Variants in ADGB observed in about 807,000 individuals in gnomAD.
ADGB encodes the protein androglobin, also known as calpain-7-like protein.
A neutral mutation model predicts 210.5 loss-of-function variants in ADGB; 172 were observed. The ratio of observed to expected loss-of-function variants is 0.82; its 90% confidence interval spans 0.72 to 0.93. The LOEUF (loss-of-function observed/expected upper bound fraction) is 0.93, where lower values mean the gene tolerates loss of function less well. Among genes scored for constraint, ADGB ranks in the 40% least tolerant of loss-of-function variants. ADGB has a pLI of 0.00. For missense variants in ADGB, 2,025 were observed against 1,964.8 expected, an observed-to-expected ratio of 1.03 and a Z score of -0.58; for synonymous variants, 658 against 662.7, an observed-to-expected ratio of 0.99 and a Z score of 0.11.
chr6:146,754,252 T>A (rs1777370125), intron 27 of ADGB, among the ~76,000 whole-genome samples: 1 of 151,322 alleles, frequency 6.6e-6, no homozygotes, highest in Non-Finnish European at 1.5e-5. Context: ...TATTCTTTTT[T>A]ATTTATTTTT....
In ADGB at chr6:146,654,202, G is replaced by A. The variant is rs1261888876; in HGVS notation, c.398G>A (p.Ser133Asn). 1.3e-6 allele frequency: 2 copies of A among 1,542,718 alleles called. No homozygotes were observed. The highest frequency in any genetic ancestry group is 1.4e-5 in the African/African-American group (1 of 72,820). ...TCAGCAAATGAACATTTACTCTGCA[G>A]CGAGGTATGTACAGAAATATGAACT... ...LFSANEHLLC[S>N]ELMRWIISEI... Residue 133 changes from serine to asparagine, a missense_variant, in exon 4 of 36, where the codon AGC (serine) becomes AAC (asparagine). Physicochemically the swap from Ser to Asn is conservative, Grantham distance 46. Transcript: ENST00000397944.
intron 9 of ADGB, among the ~76,000 whole-genome samples, chr6:146,682,824 T>C (rs545865324): frequency 7.9e-5 from 12 of 152,300 alleles, no homozygotes; most frequent in African/African-American, 2.9e-4. Context: ...TCTTATATTT[T>C]CTTGGCTAAT....
chr6:146,703,214 CTAAGTT>C (rs1226891461), intron 13 of ADGB, among the ~76,000 whole-genome samples: 2 of 151,632 alleles, frequency 1.3e-5, no homozygotes, highest in Non-Finnish European at 3.0e-5. Flanking sequence ...TTCATATGTT[CTAAGTT>C]TATCTTTTCA....
At chr6:146,649,838 A>G (rs985991589) in intron 3 of ADGB, among the ~76,000 whole-genome samples, 1 of 152,174 alleles carries the variant, frequency 6.6e-6, no homozygotes, top group Admixed American at 6.5e-5. Flanking sequence ...CCAAAGATTT[A>G]TATGAACTTG....
At chr6:146,599,783 C>A (rs750162966) in intron 1 of ADGB, among the ~76,000 whole-genome samples, 1 of 152,064 alleles carries the variant, frequency 6.6e-6, no homozygotes, top group Non-Finnish European at 1.5e-5. Flanking sequence ...GTCTGTTTCC[C>A]TAGGGATATC....
At position 146,656,859 on chromosome 6, in the gene ADGB, G is replaced by T. The variant is rs1775789225; in HGVS notation, c.491G>T (p.Gly164Val). 6.4e-7 allele frequency: 1 copy of T among 1,551,488 alleles called. No individual in the cohort carries two copies. Among genetic ancestry groups the T allele is most frequent in the Non-Finnish European group, 8.7e-7 (1 of 1,146,792 alleles). The change falls in exon 5 of 36, where the codon GGG (glycine) becomes GTG (valine). Residue 164 changes from glycine to valine, a missense_variant. Coordinates refer to ENST00000397944, the MANE Select transcript of ADGB (RefSeq NM_024694.4). ...AGCAATTATTTTAAGGGGACTTCAG[G>T]GGAACCTCCTCTTCTCCCCTGGAAG... ...ILSNYFKGTS[G>V]EPPLLPWKPW...
At chr6:146,740,645 G>T in intron 24 of ADGB, 52 bp downstream of exon 24, 3 of 1,509,036 alleles carry the variant, frequency 2.0e-6, no homozygotes, top group Non-Finnish European at 2.7e-6. Context: ...TGCAATATCT[G>T]TATTTATGAA....
chr6:146,666,944 C>G, intron 7 of ADGB, 42 bp downstream of exon 7: 1 of 1,409,062 alleles, frequency 7.1e-7, no homozygotes, highest in Non-Finnish European at 9.7e-7. Flanking sequence ...TTTTTTTTAT[C>G]TTCCCAAGAT....
At chr6:146,791,734 T>C (rs1583641188) in intron 33 of ADGB, among the ~76,000 whole-genome samples, 2 of 151,970 alleles carry the variant, frequency 1.3e-5, no homozygotes, top group East Asian at 3.9e-4. Flanking sequence ...CCCTTTCCCA[T>C]TGTGTGTTCT....
intron 26 of ADGB, among the ~76,000 whole-genome samples, chr6:146,751,372 G>A (rs927539960): frequency 2.6e-5 from 4 of 152,028 alleles, no homozygotes; most frequent in Non-Finnish European, 5.9e-5. Flanking sequence ...TCTTTATCCA[G>A]TCTATCATTG....
At chr6:146,689,329 T>G (rs1447877248) in intron 10 of ADGB, among the ~76,000 whole-genome samples, 1 of 152,158 alleles carries the variant, frequency 6.6e-6, no homozygotes, top group Admixed American at 6.6e-5. Flanking sequence ...CTATAACTAT[T>G]ATTAATAGCA....
intron 22 of ADGB, among the ~76,000 whole-genome samples, chr6:146,734,291 C>G (rs1284047964): frequency 6.6e-6 from 1 of 152,162 alleles, no homozygotes; most frequent in African/African-American, 2.4e-5. Flanking sequence ...GCATTATCAG[C>G]TTTGTTTTCC....
intron 11 of ADGB, among the ~76,000 whole-genome samples, 171 bp downstream of exon 11, chr6:146,691,461 A>ATAT (rs1554231910): frequency 1.1e-4 from 2 of 18,242 alleles, no homozygotes; most frequent in Non-Finnish European, 1.6e-4. Flanking sequence ...TATATATAAA[A>ATAT]ATATATATAT....
At chr6:146,668,589 T>A (rs1775967054) in intron 7 of ADGB, among the ~76,000 whole-genome samples, 1 of 151,818 alleles carries the variant, frequency 6.6e-6, no homozygotes, top group Admixed American at 6.6e-5. Context: ...AGAGAGAAAA[T>A]GAGATTTTAA....
intron 19 of ADGB, among the ~76,000 whole-genome samples, chr6:146,728,239 C>G (rs981379430): frequency 2.0e-5 from 3 of 152,148 alleles, no homozygotes; most frequent in Non-Finnish European, 2.9e-5. Context: ...CCTGAAATCT[C>G]TGTTCGTCAG....
chr6:146,745,815 C>T (rs1777223596), intron 25 of ADGB, 107 bp from the exon 26 acceptor site: 3 of 791,098 alleles, frequency 3.8e-6, no homozygotes, highest in Non-Finnish European at 5.6e-6. Flanking sequence ...GATCTTGGGA[C>T]CTGTAGGTAT....
intron 1 of ADGB, among the ~76,000 whole-genome samples, chr6:146,622,818 C>A (rs1291845697): frequency 1.3e-5 from 2 of 151,928 alleles, no homozygotes; most frequent in Non-Finnish European, 2.9e-5. Context: ...CACAAAGATT[C>A]TCTCCTGTTT....
chr6:146,812,310 A>G (rs1439972302), intron 35 of ADGB, among the ~76,000 whole-genome samples: 1 of 152,264 alleles, frequency 6.6e-6, no homozygotes, highest in African/African-American at 2.4e-5. Flanking sequence ...GACTGAGGCA[A>G]GAGTTTCATC....
chr6:146,744,993 T>C (rs1777208511), intron 25 of ADGB, among the ~76,000 whole-genome samples: 2 of 152,204 alleles, frequency 1.3e-5, no homozygotes, highest in African/African-American at 4.8e-5. Flanking sequence ...TGCTTTATTA[T>C]ACATTTTTTT....
Sources: allele counts gnomAD v4.1 joint callset (sites outside exome capture counted in the v4.1 genomes callset), GRCh38; gene constraint gnomAD v4.1.1; transcripts MANE v1.5; gene names NCBI Gene and HGNC (gene_info 2026-07-23, HGNC 2026-07-21).